DYNC2H1: variants seen among roughly 807,000 people sequenced by gnomAD.
DYNC2H1 encodes the protein dynein cytoplasmic 2 heavy chain 1.
DYNC2H1 carries 410 observed loss-of-function variants against 570.0 expected under a neutral mutation model. The ratio of observed to expected loss-of-function variants is 0.72; its 90% CI spans 0.66 to 0.78. The LOEUF is 0.78. DYNC2H1 is among the 30% of genes least tolerant of loss of function. The pLI is 0.00. For synonymous variants in DYNC2H1, 1,688 were observed against 1,677.6 expected (o/e 1.01, Z -0.15); for missense variants, 4,865 against 5,046.4 (o/e 0.96, Z 1.09).
intron 84 of DYNC2H1, among the ~76,000 whole-genome samples, chr11:103,418,485 T>G (rs1178508584): frequency 1.5e-4 from 23 of 152,168 alleles, no homozygotes; most frequent in Non-Finnish European, 2.9e-4. Context: ...CCTAAATATA[T>G]GGAAAGATGC....
intron 26 of DYNC2H1, among the ~76,000 whole-genome samples, chr11:103,158,410 C>G (rs1186245032): frequency 6.6e-6 from 1 of 152,142 alleles, no homozygotes; most frequent in East Asian, 1.9e-4. Context: ...GATTGCGCCA[C>G]TGCACTCCAG....
rs748170980 is a variant in DYNC2H1, at chr11:103,161,030, T to A, written c.4477T>A (p.Ser1493Thr). 2.5e-5 allele frequency: 37 copies of A among 1,485,024 alleles called. No individual in the cohort carries two copies. Among genetic ancestry groups the A allele is most frequent in the Non-Finnish European group, 4.5e-6 (5 of 1,104,128 alleles). 92.0% of individuals were successfully genotyped at this position (1,485,024 alleles called of 1,614,324 possible). ...ACCTTTTAAAAATAAAGTTCCTCTA[T>A]CAAATAATGTAGAGGTAAGCAATTC... ...VVPFKNKVPLSNNVETWLNDL... is the reference protein window; with the variant it reads ...VVPFKNKVPLTNNVETWLNDL... Residue 1493 changes from serine (S) to threonine (T), a missense_variant, in exon 29 of 89, where the codon TCA becomes ACA. Ser to Thr is a moderately conservative substitution (Grantham distance 58). Around this residue, in one of 5 missense-constraint regions of DYNC2H1, gnomAD observed 1,936 missense variants for 1,962.1 expected, o/e 0.99. Transcript: ENST00000375735.
rs1451517621 is a variant in DYNC2H1 at position 103,446,068 on chromosome 11, T to TTGTTGTTGC, written c.12457-9117_12457-9116insGTTGTTGCT. Among the ~76,000 whole-genome samples the TTGTTGTTGC allele has an allele frequency of 2.7e-5, 4 of 148,128 alleles. No homozygotes were observed. In the South Asian group the frequency reaches 6.4e-4, roughly 24 times the overall value. ...GTTGTTGTTGTTGTTGTTGTTGTTG[T>TTGTTGTTGC]TTAGGGAGGAGGGGAGTGGTCTTGC... On this transcript the variant is annotated intron_variant, in intron 85 of 88. Coordinates refer to ENST00000375735, the MANE Select transcript of DYNC2H1 (RefSeq NM_001377.3). This position sits in a 1 kb window ranked among gnomAD's most constrained non-coding sequence, Gnocchi z 4.5.
At chr11:103,393,277 A>T (rs1365038770) in intron 83 of DYNC2H1, among the ~76,000 whole-genome samples, 2 of 152,182 alleles carry the variant, frequency 1.3e-5, no homozygotes, top group East Asian at 3.8e-4. Context: ...CTTCCTCTTA[A>T]ATATCATGGT....
Position 103,209,964 on chromosome 11 carries a change from G to T in DYNC2H1, c.8539+4G>T. 6.8e-7 allele frequency: 1 copy of T among 1,480,194 alleles called. No homozygotes were observed. The allele number at this position is 1,480,194 out of a possible 1,614,324, so 91.7% of individuals were successfully genotyped here. The stretch of plus-strand genomic sequence containing the variant: ...GAAGAAAAGAAAAAAAATTCAGGTA[G>T]TATTTTGATAAAATCAGTTTGATCT... On this transcript the variant is annotated splice_donor_region_variant and intron_variant, in intron 53 of 88. Transcript: ENST00000375735. The surrounding 1 kb of genome is among the most constrained non-coding windows in gnomAD (Gnocchi z 4.2).
At chr11:103,393,682 C>T (rs953434209) in intron 83 of DYNC2H1, among the ~76,000 whole-genome samples, 2 of 152,146 alleles carry the variant, frequency 1.3e-5, no homozygotes, top group Non-Finnish European at 1.5e-5. Context: ...TCAGATCTTT[C>T]AGAATACTCC....
rs1025147911 is a variant in DYNC2H1 at position 103,417,006 on chromosome 11, G to T, written c.12366+17134G>T. ...CTTCTCAAAAGAAGACCTTTATGTG[G>T]CCAACAAACTTATGAAAAAAAGCTC... is the stretch of plus-strand genomic sequence containing the variant. On this transcript the variant is annotated intron_variant, in intron 84 of 88. Transcript: ENST00000375735. Among the ~76,000 whole-genome samples the T allele has an allele frequency of 2.0e-4, 30 of 152,138 alleles. 1 individual carries two copies. Among genetic ancestry groups the T allele is most frequent in the African/African-American group, 7.0e-4 (29 of 41,416 alleles).
chr11:103,210,635 A>T (rs1192391360), intron 53 of DYNC2H1, among the ~76,000 whole-genome samples: 1 of 152,110 alleles, frequency 6.6e-6, no homozygotes, highest in East Asian at 1.9e-4. Flanking sequence ...ATTGGAAAGT[A>T]AAACTTCAGA....
At chr11:103,410,509 T>C (rs1943040455) in intron 84 of DYNC2H1, among the ~76,000 whole-genome samples, 1 of 152,052 alleles carries the variant, frequency 6.6e-6, no homozygotes, top group Non-Finnish European at 1.5e-5. Context: ...TAGAACAGGC[T>C]CCCCTAGAGG....
At chr11:103,468,789 G>A (rs989059038) in intron 88 of DYNC2H1, 84 bp downstream of exon 88, 2 of 1,104,578 alleles carry the variant, frequency 1.8e-6, no homozygotes, top group Non-Finnish European at 2.5e-6. Flanking sequence ...TTCTTGGCCT[G>A]TGTATTTTTG....
chr11:103,162,933 A>G (rs1861156865), intron 29 of DYNC2H1, 95 bp from the exon 30 acceptor site: 1 of 1,116,182 alleles, frequency 9.0e-7, no homozygotes, highest in African/African-American at 1.6e-5. Flanking sequence ...AACAGTATAG[A>G]GTTAGTAGAT....
intron 83 of DYNC2H1, among the ~76,000 whole-genome samples, chr11:103,383,076 T>G (rs938488555): frequency 1.3e-4 from 20 of 151,944 alleles, no homozygotes; most frequent in Admixed American, 1.0e-3. Flanking sequence ...GAGGAAGGAG[T>G]GCTGCTCTTC....
intron 65 of DYNC2H1, among the ~76,000 whole-genome samples, chr11:103,251,399 G>GT (rs144145640): frequency 6.6e-6 from 1 of 151,748 alleles, no homozygotes; most frequent in Non-Finnish European, 1.5e-5. Flanking sequence ...TTTTTGTTGG[G>GT]TTTTTTAAAA....
chr11:103,192,329 C>A, intron 47 of DYNC2H1, 65 bp downstream of exon 47: 1 of 1,252,398 alleles, frequency 8.0e-7, no homozygotes, highest in South Asian at 2.7e-5. Context: ...TTTTCTTACC[C>A]AGAGCATGAT....
Position 103,186,514 on chromosome 11 carries a change from T to C in DYNC2H1, c.6893+13T>C, listed in dbSNP as rs779238743. On this transcript the variant is annotated intron_variant, in intron 42 of 88. Transcript: ENST00000375735. The surrounding 1 kb of genome is among the most constrained non-coding windows in gnomAD (Gnocchi z 4.5). Reference sequence around the variant, plus strand: ...GATGTGGCAAAGGGTAAGAAAAATATTGGCAAAGGTATATGTTGTGGATTT... The same window carrying C: ...GATGTGGCAAAGGGTAAGAAAAATACTGGCAAAGGTATATGTTGTGGATTT... 7 of 1,605,440 alleles carry C rather than the reference T, an allele frequency of 4.4e-6. No homozygotes were observed. The South Asian group carries it at 6.6e-5, about 15-fold the overall frequency.
intron 17 of DYNC2H1, among the ~76,000 whole-genome samples, chr11:103,142,991 C>G (rs1461129276): frequency 1.3e-5 from 2 of 152,080 alleles, no homozygotes; most frequent in Non-Finnish European, 2.9e-5. Context: ...AATGATTCCA[C>G]CTTTGAAGTT....
chr11:103,126,639 T>A (rs1395748543), intron 12 of DYNC2H1, among the ~76,000 whole-genome samples: 65 of 146,234 alleles, frequency 4.4e-4, no homozygotes, highest in African/African-American at 1.4e-3. Flanking sequence ...AACTCATATT[T>A]TTTTTTTTTT....
Position 103,177,480 on chromosome 11 carries a change from G to A in DYNC2H1, c.5875-76G>A. On this transcript the variant is annotated intron_variant, in intron 37 of 88. Coordinates refer to ENST00000375735, the MANE Select transcript of DYNC2H1 (RefSeq NM_001377.3). The surrounding 1 kb of genome is among the most constrained non-coding windows in gnomAD (Gnocchi z 4.4). ...AGGCTTAATTTACACATTAGAACAA[G>A]TGTTACAGAATAAAAGCAGAACTAA... 6.9e-7 allele frequency: 1 copy of A among 1,440,208 alleles called. No individual in the cohort carries two copies. The highest frequency in any genetic ancestry group is 1.4e-5 in the South Asian group (1 of 71,888). 89.2% of individuals were successfully genotyped at this position (1,440,208 alleles called of 1,614,324 possible). A position where few individuals can be genotyped will look rare whatever the true frequency, so the allele number is the denominator to read the frequency against.
At chr11:103,227,104 G>A (rs1191072679) in intron 59 of DYNC2H1, among the ~76,000 whole-genome samples, 1 of 151,764 alleles carries the variant, frequency 6.6e-6, no homozygotes, top group Non-Finnish European at 1.5e-5. Flanking sequence ...CTTGCAAATG[G>A]TCTGTCAATT....
Sources: allele counts gnomAD v4.1 joint callset (sites outside exome capture counted in the v4.1 genomes callset), GRCh38; gene constraint gnomAD v4.1.1; regional missense constraint gnomAD v4.1.1; non-coding constraint Gnocchi (gnomAD v3.1); transcripts MANE v1.5; gene names NCBI Gene and HGNC (gene_info 2026-07-23, HGNC 2026-07-21).